Variants in ATXN7L1 observed in about 807,000 individuals in gnomAD.
ATXN7L1 encodes the protein ataxin 7 like 1.
In ATXN7L1, 15 loss-of-function variants were observed where a neutral mutation model predicts 70.8. That is an observed-to-expected ratio of 0.21 (90% CI 0.14 to 0.33). The LOEUF is 0.33. Ranked by LOEUF, ATXN7L1 falls within the 10% of genes least tolerant of loss-of-function variation. ATXN7L1 has a pLI of 1.00. For synonymous variants in ATXN7L1, 440 were observed against 445.1 expected (o/e 0.99, Z 0.14); for missense variants, 975 against 1,097.1 (o/e 0.89, Z 1.57).
At chr7:105,627,938 G>A (rs947857401) in intron 7 of ATXN7L1, among the ~76,000 whole-genome samples, 11 of 133,338 alleles carry the variant, frequency 8.2e-5, no homozygotes, top group Admixed American at 8.0e-4. Context: ...TCTGCCACCC[G>A]GGTTCAAGCG....
At chr7:105,861,066 G>A (rs891575001) in intron 2 of ATXN7L1, among the ~76,000 whole-genome samples, 4 of 152,114 alleles carry the variant, frequency 2.6e-5, no homozygotes, top group African/African-American at 9.7e-5. Context: ...GGCTGGCCCT[G>A]GGGAAGGAGG....
Position 105,638,495 on chromosome 7 carries a change from G to T in ATXN7L1, c.1060C>A (p.Leu354Ile), listed in dbSNP as rs1250881731. The change falls in exon 7 of 12, where the codon CTC becomes ATC. Residue 354 changes from leucine (L) to isoleucine (I), a missense_variant. Leu to Ile is a conservative substitution (Grantham distance 5). Transcript: ENST00000419735. ...REKEVKDKEHLLTSTREILPS... is the reference protein window; with the variant it reads ...REKEVKDKEHILTSTREILPS... ...AGTATTTCCCTCGTGGAAGTCAGGA[G>T]ATGCTCTTTATCTTTAACTTCTTTT... The T allele has an allele frequency of 2.6e-6, 4 of 1,552,234 alleles. No individual in the cohort carries two copies. In the African/African-American group the frequency reaches 5.5e-5, roughly 21 times the overall value.
At chr7:105,868,525 T>C (rs1216327939) in intron 2 of ATXN7L1, among the ~76,000 whole-genome samples, 1 of 152,178 alleles carries the variant, frequency 6.6e-6, no homozygotes. Context: ...TGAACTGACA[T>C]GGACAGCTCT....
At chr7:105,733,793 TCCATCCATCCACCCAACCAC>T (rs2116339812) in intron 3 of ATXN7L1, among the ~76,000 whole-genome samples, 1 of 117,560 alleles carries the variant, frequency 8.5e-6, no homozygotes, top group South Asian at 3.4e-4. Flanking sequence ...CATCCATCCT[TCCATCCATCCACCCAACCAC>T]CCATCCATCC....
At chr7:105,815,273 G>A (rs1809024096) in intron 2 of ATXN7L1, among the ~76,000 whole-genome samples, 1 of 152,142 alleles carries the variant, frequency 6.6e-6, no homozygotes, top group South Asian at 2.1e-4. Context: ...TTTGCATTTT[G>A]TGCTTGGCTC....
At chr7:105,827,342 G>A (rs1476870888) in intron 2 of ATXN7L1, among the ~76,000 whole-genome samples, 1 of 152,150 alleles carries the variant, frequency 6.6e-6, no homozygotes, top group East Asian at 1.9e-4. Context: ...CATTTTTACT[G>A]TGGTAAAATA....
At chr7:105,700,218 A>G (rs773428623) in intron 3 of ATXN7L1, among the ~76,000 whole-genome samples, 1 of 151,994 alleles carries the variant, frequency 6.6e-6, no homozygotes, top group Non-Finnish European at 1.5e-5. Context: ...AGAAAATGAC[A>G]AGGGGGGCTG....
chr7:105,788,551 T>A, intron 3 of ATXN7L1, 53 bp downstream of exon 3: 1 of 1,426,602 alleles, frequency 7.0e-7, no homozygotes, highest in Non-Finnish European at 9.9e-7. Context: ...GGAAGGCGAC[T>A]GTCCCCAGGG....
chr7:105,773,404 G>A (rs955262523), intron 3 of ATXN7L1, among the ~76,000 whole-genome samples: 10 of 152,122 alleles, frequency 6.6e-5, no homozygotes, highest in Non-Finnish European at 8.8e-5. Context: ...CTTTCTGCTC[G>A]CCAGTGCTGG....
chr7:105,767,121 C>G (rs567973700), intron 3 of ATXN7L1, among the ~76,000 whole-genome samples: 1 of 152,158 alleles, frequency 6.6e-6, no homozygotes, highest in African/African-American at 2.4e-5. Flanking sequence ...AGGGGAATGA[C>G]TCCAGAGCAG....
chr7:105,636,394 CAAA>C (rs1217878273), intron 7 of ATXN7L1, among the ~76,000 whole-genome samples: 6 of 86,532 alleles, frequency 6.9e-5, no homozygotes, highest in Admixed American at 1.3e-4. Context: ...AACTCTGTCT[CAAA>C]AAAAAAAAAA....
At chr7:105,874,088 G>C (rs1359733507) in intron 2 of ATXN7L1, among the ~76,000 whole-genome samples, 1 of 139,528 alleles carries the variant, frequency 7.2e-6, no homozygotes, top group Non-Finnish European at 1.5e-5. Flanking sequence ...TCGTACCACT[G>C]TACTCCAGCC....
At chr7:105,640,398 A>G (rs1054563903) in intron 5 of ATXN7L1, among the ~76,000 whole-genome samples, 3 of 152,158 alleles carry the variant, frequency 2.0e-5, no homozygotes, top group African/African-American at 7.2e-5. Flanking sequence ...CTTCCAGTTG[A>G]CTGTGGACAG....
chr7:105,738,002 C>T (rs1797600080), intron 3 of ATXN7L1, among the ~76,000 whole-genome samples: 1 of 152,122 alleles, frequency 6.6e-6, no homozygotes, highest in Admixed American at 6.5e-5. Flanking sequence ...ATGAGAGGCC[C>T]ACACCAGCAA....
intron 3 of ATXN7L1, among the ~76,000 whole-genome samples, chr7:105,744,901 C>A (rs1798407199): frequency 6.6e-6 from 1 of 151,954 alleles, no homozygotes; most frequent in South Asian, 2.1e-4. Context: ...CCACGCCCAG[C>A]TAATTCTTGT....
chr7:105,755,483 C>G (rs1162620976), intron 3 of ATXN7L1, among the ~76,000 whole-genome samples: 3 of 152,170 alleles, frequency 2.0e-5, no homozygotes, highest in Non-Finnish European at 4.4e-5. Flanking sequence ...TTTGCAAGGG[C>G]TTATTCCATT....
At chr7:105,703,833 T>C (rs879584532) in intron 3 of ATXN7L1, among the ~76,000 whole-genome samples, 10 of 152,318 alleles carry the variant, frequency 6.6e-5, no homozygotes, top group South Asian at 2.1e-4. Context: ...TCGTGTCAGG[T>C]GTGGTTGGAA....
At chr7:105,746,324 T>C (rs547266377) in intron 3 of ATXN7L1, among the ~76,000 whole-genome samples, 2 of 152,358 alleles carry the variant, frequency 1.3e-5, no homozygotes, top group South Asian at 2.1e-4. Context: ...GTGTCACTTA[T>C]AATAAAATCT....
chr7:105,824,552 A>G (rs1049656578), intron 2 of ATXN7L1, among the ~76,000 whole-genome samples: 1 of 152,156 alleles, frequency 6.6e-6, no homozygotes, highest in Non-Finnish European at 1.5e-5. Flanking sequence ...TGACATAAAA[A>G]TTTTACTAGA....
Sources: allele counts gnomAD v4.1 joint callset (sites outside exome capture counted in the v4.1 genomes callset), GRCh38; gene constraint gnomAD v4.1.1; transcripts MANE v1.5; gene names NCBI Gene and HGNC (gene_info 2026-07-23, HGNC 2026-07-21).